Variants in ATP6V1H observed in about 807,000 individuals in gnomAD.
The protein encoded by ATP6V1H is V-type proton ATPase subunit H.
In ATP6V1H, 39 loss-of-function variants were observed where a neutral mutation model predicts 71.7. That is an observed-to-expected ratio of 0.54 (90% CI 0.42 to 0.71). The LOEUF (loss-of-function observed/expected upper bound fraction) is 0.71. Ranked by LOEUF, ATP6V1H falls within the 30% of genes least tolerant of loss-of-function variation. The pLI, the probability that ATP6V1H is intolerant of heterozygous loss-of-function variation, is 0.00. For synonymous variants in ATP6V1H, 192 were observed against 199.3 expected, an observed-to-expected ratio of 0.96 and a Z score of 0.31; for missense variants, 509 against 594.9, an observed-to-expected ratio of 0.86 and a Z score of 1.50.
chr8:53,747,690 C>T (rs1807656144), intron 12 of ATP6V1H, among the ~76,000 whole-genome samples: 1 of 151,934 alleles, frequency 6.6e-6, no homozygotes, highest in South Asian at 2.1e-4. Context: ...CAGGTGCATG[C>T]CACCATGCCC....
At chr8:53,836,166 T>C (rs1188054004) in intron 2 of ATP6V1H, among the ~76,000 whole-genome samples, 2 of 152,076 alleles carry the variant, frequency 1.3e-5, no homozygotes, top group Admixed American at 6.5e-5. Flanking sequence ...CCAAAATAAA[T>C]GAAATGTTGA....
intron 2 of ATP6V1H, among the ~76,000 whole-genome samples, chr8:53,836,958 T>C (rs538920646): frequency 6.6e-6 from 1 of 152,116 alleles, no homozygotes; most frequent in East Asian, 1.9e-4. Flanking sequence ...CTGGCCAACA[T>C]GGTGAAACTC....
At chr8:53,798,457 G>A (rs1473645321) in intron 8 of ATP6V1H, among the ~76,000 whole-genome samples, 2 of 151,952 alleles carry the variant, frequency 1.3e-5, no homozygotes, top group African/African-American at 4.8e-5. Context: ...GGAGGCGGAG[G>A]TTGCAGTGAG....
chr8:53,756,357 C>A, intron 12 of ATP6V1H, 198 bp downstream of exon 12: 1 of 331,896 alleles, frequency 3.0e-6, no homozygotes. Flanking sequence ...GGTGGTATTA[C>A]AGGCGTGAGC....
intron 11 of ATP6V1H, among the ~76,000 whole-genome samples, chr8:53,760,101 G>A (rs912954661): frequency 4.6e-5 from 7 of 152,176 alleles, no homozygotes; most frequent in African/African-American, 1.7e-4. Flanking sequence ...GATAATAATT[G>A]GTTGCAGCTG....
chr8:53,831,891 A>T (rs568956878), intron 3 of ATP6V1H: 48 of 151,602 alleles, frequency 3.2e-4, no homozygotes, highest in African/African-American at 1.2e-3. Context: ...GAGCCACTGC[A>T]CCCAGCCAGA....
intron 7 of ATP6V1H, among the ~76,000 whole-genome samples, chr8:53,809,016 A>ATAC: frequency 6.6e-6 from 1 of 152,236 alleles, no homozygotes; most frequent in Non-Finnish European, 1.5e-5. Context: ...TAAAGATGTG[A>ATAC]TACTGATACC....
chr8:53,793,544 C>A (rs1809632672), intron 9 of ATP6V1H, among the ~76,000 whole-genome samples: 1 of 151,990 alleles, frequency 6.6e-6, no homozygotes, highest in South Asian at 2.1e-4. Flanking sequence ...ACTTGGGAGG[C>A]TGAGGCAGGA....
At chr8:53,759,098 G>A (rs1253723437) in intron 11 of ATP6V1H, among the ~76,000 whole-genome samples, 1 of 152,188 alleles carries the variant, frequency 6.6e-6, no homozygotes, top group Non-Finnish European at 1.5e-5. Flanking sequence ...TACTGAATTA[G>A]AATCTGCATT....
intron 8 of ATP6V1H, among the ~76,000 whole-genome samples, chr8:53,800,333 C>T (rs981584014): frequency 3.3e-5 from 5 of 152,158 alleles, no homozygotes; most frequent in Admixed American, 2.6e-4. Flanking sequence ...TAATGAATCT[C>T]CTGACAAGTG....
At chr8:53,787,141 A>G (rs1471723332) in intron 9 of ATP6V1H, among the ~76,000 whole-genome samples, 1 of 152,214 alleles carries the variant, frequency 6.6e-6, no homozygotes, top group Non-Finnish European at 1.5e-5. Context: ...CACTGCACTG[A>G]TAATGTGGAC....
Position 53,715,858 on chromosome 8 carries a change from C to G in ATP6V1H, c.*106G>C. Reference sequence around the variant, plus strand: ...ATTAGCATTGGGAAAAGCTATATAACAGAGGAAATTCCAAGTAAAATCAAA... The same window carrying G: ...ATTAGCATTGGGAAAAGCTATATAAGAGAGGAAATTCCAAGTAAAATCAAA... On this transcript the variant is annotated 3_prime_UTR_variant, in exon 14 of 14. Transcript: ENST00000359530. 1.1e-6 allele frequency: 1 copy of G among 920,054 alleles called. No homozygotes were observed. The highest frequency in any genetic ancestry group is 1.6e-6 in the Non-Finnish European group (1 of 615,508). 57.0% of individuals were successfully genotyped at this position (920,054 alleles called of 1,614,324 possible). A position where few individuals can be genotyped will look rare whatever the true frequency, so the allele number is the denominator to read the frequency against.
intron 5 of ATP6V1H, among the ~76,000 whole-genome samples, chr8:53,815,668 T>G (rs1234007714): frequency 6.6e-6 from 1 of 152,236 alleles, no homozygotes; most frequent in Non-Finnish European, 1.5e-5. Context: ...GGTTTTCACA[T>G]GCCCAGCTAA....
intron 7 of ATP6V1H, among the ~76,000 whole-genome samples, chr8:53,803,988 C>A (rs995562911): frequency 3.3e-5 from 5 of 152,184 alleles, no homozygotes; most frequent in Admixed American, 1.3e-4. Context: ...TCTGTGGCTA[C>A]TCACCATGCT....
intron 6 of ATP6V1H, among the ~76,000 whole-genome samples, 170 bp downstream of exon 6, chr8:53,814,492 A>G (rs1001567268): frequency 1.3e-5 from 2 of 152,228 alleles, no homozygotes; most frequent in African/African-American, 4.8e-5. Flanking sequence ...CAAAGAAAGA[A>G]AAAGCAAAGC....
At chr8:53,740,333 A>C (rs1197192992) in intron 13 of ATP6V1H, among the ~76,000 whole-genome samples, 1 of 152,250 alleles carries the variant, frequency 6.6e-6, no homozygotes, top group Non-Finnish European at 1.5e-5. Context: ...GTTACAATTT[A>C]ATCTGATAAA....
chr8:53,738,254 G>A (rs1035988438), intron 13 of ATP6V1H, among the ~76,000 whole-genome samples: 2 of 147,898 alleles, frequency 1.4e-5, no homozygotes, highest in Admixed American at 6.8e-5. Context: ...CCAAGATCAC[G>A]CCACTGCATT....
chr8:53,770,304 T>C (rs1334173968), intron 10 of ATP6V1H, among the ~76,000 whole-genome samples: 3 of 152,166 alleles, frequency 2.0e-5, no homozygotes, highest in Non-Finnish European at 4.4e-5. Context: ...CAAAAGCCTC[T>C]GTACATATAA....
At chr8:53,790,782 C>T (rs999605489) in intron 9 of ATP6V1H, among the ~76,000 whole-genome samples, 13 of 152,148 alleles carry the variant, frequency 8.5e-5, no homozygotes, top group African/African-American at 3.1e-4. Context: ...CTATTTAGTG[C>T]CTATCGTAAT....
Sources: allele counts gnomAD v4.1 joint callset (sites outside exome capture counted in the v4.1 genomes callset), GRCh38; gene constraint gnomAD v4.1.1; transcripts MANE v1.5; gene names NCBI Gene and HGNC (gene_info 2026-07-23, HGNC 2026-07-21).